Variants in TBC1D19 observed in about 807,000 individuals in gnomAD.
TBC1D19 encodes TBC1 domain family member 19.
In TBC1D19, 60 loss-of-function variants were observed where a neutral mutation model predicts 89.0. The observed-to-expected ratio is 0.67, with a 90% confidence interval of 0.55 to 0.84. The LOEUF (loss-of-function observed/expected upper bound fraction) is 0.84, where lower values mean the gene tolerates loss of function less well. TBC1D19 is among the 40% of genes least tolerant of loss of function. The pLI, the probability that TBC1D19 is intolerant of heterozygous loss-of-function variation, is 0.00. For synonymous variants in TBC1D19, 189 were observed against 199.7 expected (o/e 0.95, Z 0.45); for missense variants, 500 against 610.8 (o/e 0.82, Z 1.91).
intron 1 of TBC1D19, among the ~76,000 whole-genome samples, chr4:26,586,640 G>A (rs1332426417): frequency 3.3e-5 from 5 of 151,990 alleles, no homozygotes; most frequent in Non-Finnish European, 7.4e-5. Context: ...ATTTTCTCTT[G>A]TCAGTGTTTT....
chr4:26,625,433 G>A (rs988284967), intron 4 of TBC1D19, among the ~76,000 whole-genome samples: 1 of 152,100 alleles, frequency 6.6e-6, no homozygotes, highest in African/African-American at 2.4e-5. Flanking sequence ...CTCATACGCA[G>A]TTTCCCTTAT....
the TBC1D19 span, among the ~76,000 whole-genome samples, chr4:26,776,570 G>C: frequency 8.5e-5 from 13 of 152,116 alleles, no homozygotes; most frequent in Non-Finnish European, 1.2e-4. Context: ...CCCACCATCT[G>C]TACTTGTGTC....
chr4:26,853,719 T>C, the TBC1D19 span, among the ~76,000 whole-genome samples: 1 of 152,086 alleles, frequency 6.6e-6, no homozygotes, highest in Non-Finnish European at 1.5e-5. Context: ...TGTATTTTAG[T>C]AGAGATGGAG....
At chr4:26,742,051 A>C (rs896104979) in intron 17 of TBC1D19, among the ~76,000 whole-genome samples, 1 of 152,150 alleles carries the variant, frequency 6.6e-6, no homozygotes, top group African/African-American at 2.4e-5. Context: ...TATTTTCCCT[A>C]GTGAGTGAGG....
chr4:26,796,207 G>GA, the TBC1D19 span, among the ~76,000 whole-genome samples: 2 of 152,076 alleles, frequency 1.3e-5, no homozygotes, highest in Non-Finnish European at 2.9e-5. Context: ...TCTTCTTAAT[G>GA]AAAAAATATA....
At chr4:26,843,007 A>G in the TBC1D19 span, among the ~76,000 whole-genome samples, 1 of 152,170 alleles carries the variant, frequency 6.6e-6, no homozygotes, top group East Asian at 1.9e-4. Flanking sequence ...CTGTGGTTTT[A>G]AGAATGAACA....
intron 4 of TBC1D19, among the ~76,000 whole-genome samples, chr4:26,625,247 C>T (rs560602669): frequency 1.1e-3 from 163 of 152,182 alleles, no homozygotes; most frequent in African/African-American, 3.7e-3. Flanking sequence ...AGAATGTTTT[C>T]TGCTAAATAC....
At chr4:26,661,895 T>G (rs1162031488) in intron 8 of TBC1D19, among the ~76,000 whole-genome samples, 2 of 152,292 alleles carry the variant, frequency 1.3e-5, no homozygotes, top group South Asian at 4.1e-4. Flanking sequence ...TAGGGAAGTC[T>G]CATACACAAT....
At chr4:26,650,228 C>T (rs894888093) in intron 7 of TBC1D19, among the ~76,000 whole-genome samples, 3 of 151,402 alleles carry the variant, frequency 2.0e-5, no homozygotes, top group Non-Finnish European at 4.4e-5. Context: ...GTATATACCC[C>T]GTAATGGAAT....
At chr4:26,627,893 A>G (rs2110052294) in intron 4 of TBC1D19, among the ~76,000 whole-genome samples, 1 of 152,114 alleles carries the variant, frequency 6.6e-6, no homozygotes, top group East Asian at 1.9e-4. Context: ...TAGTTTAATT[A>G]GATCCCATTT....
chr4:26,692,341 C>T (rs750120382), intron 13 of TBC1D19, among the ~76,000 whole-genome samples: 1 of 152,214 alleles, frequency 6.6e-6, no homozygotes, highest in Non-Finnish European at 1.5e-5. Flanking sequence ...TCTGACTCCA[C>T]TCAGCAGGCC....
intron 1 of TBC1D19, among the ~76,000 whole-genome samples, chr4:26,603,150 A>C (rs768710327): frequency 3.3e-5 from 5 of 152,234 alleles, no homozygotes; most frequent in Non-Finnish European, 2.9e-5. Context: ...TTTAAGCTTT[A>C]AATAAAAATT....
intron 1 of TBC1D19, among the ~76,000 whole-genome samples, chr4:26,606,318 G>C (rs956422793): frequency 6.6e-6 from 1 of 152,180 alleles, no homozygotes; most frequent in Non-Finnish European, 1.5e-5. Flanking sequence ...TGGTAAGAAG[G>C]CTCTGTTATA....
intron 4 of TBC1D19, among the ~76,000 whole-genome samples, chr4:26,630,572 G>A (rs1209927303): frequency 7.9e-5 from 12 of 151,808 alleles, no homozygotes; most frequent in Admixed American, 7.2e-4. Context: ...GAGAAAAATT[G>A]TGTCTATAAA....
intron 7 of TBC1D19, among the ~76,000 whole-genome samples, chr4:26,646,072 G>A (rs1428351866): frequency 2.8e-5 from 4 of 144,592 alleles, no homozygotes; most frequent in Admixed American, 7.1e-5. Flanking sequence ...GCAGTGAGCC[G>A]AGATCCCGCC....
intron 12 of TBC1D19, among the ~76,000 whole-genome samples, chr4:26,684,945 C>T (rs1295774965): frequency 2.0e-5 from 3 of 152,016 alleles, no homozygotes; most frequent in Admixed American, 6.5e-5. Flanking sequence ...TGTTTTTCTG[C>T]GGAAAAACTT....
At chr4:26,593,067 C>T (rs1333383481) in intron 1 of TBC1D19, among the ~76,000 whole-genome samples, 1 of 152,204 alleles carries the variant, frequency 6.6e-6, no homozygotes, top group Admixed American at 6.5e-5. Flanking sequence ...CTGAAGGCAT[C>T]ACACTACGTG....
chr4:26,836,591 C>T, the TBC1D19 span, among the ~76,000 whole-genome samples: 1 of 152,212 alleles, frequency 6.6e-6, no homozygotes, highest in African/African-American at 2.4e-5. Flanking sequence ...GCTCCCTTGC[C>T]AGCTGGGTCC....
the TBC1D19 span, among the ~76,000 whole-genome samples, chr4:26,829,852 C>CCCCA: frequency 6.6e-6 from 1 of 152,134 alleles, no homozygotes; most frequent in African/African-American, 2.4e-5. Flanking sequence ...TTTGCATTCC[C>CCCCA]GGAATGACTT....
Sources: allele counts gnomAD v4.1 joint callset (sites outside exome capture counted in the v4.1 genomes callset), GRCh38; gene constraint gnomAD v4.1.1; transcripts MANE v1.5; gene names NCBI Gene and HGNC (gene_info 2026-07-23, HGNC 2026-07-21).